SETD2: variants seen among roughly 807,000 people sequenced by gnomAD.
SETD2 encodes histone-lysine N-methyltransferase SETD2.
SETD2 carries 31 observed loss-of-function variants against 242.1 expected under a neutral mutation model. The observed-to-expected ratio is 0.13, with a 90% CI of 0.10 to 0.17. SETD2 has a LOEUF of 0.17. SETD2 is among the 10% of genes least tolerant of loss of function. The pLI, the probability that SETD2 is intolerant of heterozygous loss-of-function variation, is 1.00. For synonymous variants in SETD2, 1,006 were observed against 1,066.5 expected (o/e 0.94, Z 1.11); for missense variants, 2,481 against 3,046.3 (o/e 0.81, Z 4.37).
chr3:47,051,814 C>T (rs1425778160), intron 15 of SETD2, among the ~76,000 whole-genome samples: 3 of 151,826 alleles, frequency 2.0e-5, no homozygotes, highest in Non-Finnish European at 4.4e-5. Flanking sequence ...TAGAAAACTG[C>T]TAATATTTTG....
intron 12 of SETD2, among the ~76,000 whole-genome samples, chr3:47,074,716 T>C (rs1289299680): frequency 6.7e-6 from 1 of 149,364 alleles, no homozygotes; most frequent in East Asian, 1.9e-4. Context: ...CCCAGATATA[T>C]ACACGCCCCT....
chr3:47,154,983 G>T (rs971299975), intron 1 of SETD2, among the ~76,000 whole-genome samples: 4 of 149,938 alleles, frequency 2.7e-5, no homozygotes, highest in Non-Finnish European at 5.9e-5. Flanking sequence ...GACAGAGCAA[G>T]ACTCCATCTC....
rs768604404 is a variant in SETD2 at position 47,103,392 on chromosome 3, G to A, written c.4871C>T (p.Ser1624Phe). ...IIDATQKGNC[S>F]RFMNHSCEPN... is the part of the protein sequence containing the mutation. ...TTCACAGCTGTGATTCATGAAACGA[G>A]AGCAATTTCCTTTTTGAGTGGCATC... Residue 1624 changes from serine to phenylalanine, a missense_variant, in exon 7 of 21, where the codon TCT becomes TTT. By Grantham distance (155) the Ser-to-Phe change is radical. Transcript: ENST00000409792. The A allele has an allele frequency of 6.2e-7, 1 of 1,613,070 alleles. No individual in the cohort carries two copies.
At chr3:47,036,991 T>C (rs1281264508) in intron 18 of SETD2, among the ~76,000 whole-genome samples, 1 of 145,008 alleles carries the variant, frequency 6.9e-6, no homozygotes. Flanking sequence ...TTCTTGGCCA[T>C]ATATCTCCCT....
chr3:47,101,272 C>T (rs913524075), intron 8 of SETD2, among the ~76,000 whole-genome samples, 186 bp downstream of exon 8: 2 of 152,032 alleles, frequency 1.3e-5, no homozygotes, highest in Admixed American at 6.6e-5. Context: ...AGTTCCTGTA[C>T]AACATCCCTT....
intron 15 of SETD2, among the ~76,000 whole-genome samples, chr3:47,052,484 A>G (rs962312998): frequency 1.3e-5 from 2 of 152,062 alleles, no homozygotes; most frequent in African/African-American, 4.8e-5. Context: ...AAAAACCTGT[A>G]TCACATTTAA....
intron 9 of SETD2, among the ~76,000 whole-genome samples, chr3:47,096,335 G>T (rs1003566174): frequency 2.6e-5 from 4 of 152,148 alleles, no homozygotes; most frequent in Non-Finnish European, 4.4e-5. Context: ...TGAGCTTATT[G>T]TGAGAATTAA....
chr3:47,038,940 A>G (rs2039148464), intron 17 of SETD2, among the ~76,000 whole-genome samples: 2 of 152,154 alleles, frequency 1.3e-5, no homozygotes, highest in African/African-American at 4.8e-5. Flanking sequence ...CACCACATCA[A>G]TCTTCAGTCA....
Position 47,056,801 on chromosome 3 carries a change from A to T in SETD2, c.6963+20T>A. 1 of 1,601,186 alleles carries T rather than the reference A, an allele frequency of 6.2e-7. No individual in the cohort carries two copies. The highest frequency in any genetic ancestry group is 8.5e-7 in the Non-Finnish European group (1 of 1,169,982). Reference sequence around the variant, plus strand: ...TGAACAGACCATAAAGCAGAAAAGAAAAGTTTCAGAATTAGTTACCTGTAC... The same window carrying T: ...TGAACAGACCATAAAGCAGAAAAGATAAGTTTCAGAATTAGTTACCTGTAC... On this transcript the variant is annotated intron_variant, in intron 15 of 20. Coordinates refer to ENST00000409792, the MANE Select transcript of SETD2 (RefSeq NM_014159.7).
At chr3:47,098,341 A>C (rs1575768680) in intron 8 of SETD2, 2 of 279,320 alleles carry the variant, frequency 7.2e-6, no homozygotes, top group Middle Eastern at 2.3e-3. Context: ...TTTTATGAGA[A>C]TACCTAGTAA....
rs986685066 is a variant in SETD2, at chr3:47,017,954, G to A, written c.7432-215C>T. On this transcript the variant is annotated intron_variant, in intron 19 of 20. Transcript: ENST00000409792. This position sits in a 1 kb window ranked among gnomAD's most constrained non-coding sequence, Gnocchi z 4.8. Reference sequence around the variant, plus strand: ...GCCTGAGAGGGAAAGAGCTCCCCTGGATGGACTAAGCAAGCCTTAAAGGAG... The same window carrying A: ...GCCTGAGAGGGAAAGAGCTCCCCTGAATGGACTAAGCAAGCCTTAAAGGAG... 2.0e-5 allele frequency among the ~76,000 whole-genome samples: 3 copies of A among 152,162 alleles called. No individual in the cohort carries two copies. The highest frequency in any genetic ancestry group is 6.5e-5 in the Admixed American group (1 of 15,280).
intron 5 of SETD2, among the ~76,000 whole-genome samples, chr3:47,108,045 G>A (rs974981121): frequency 6.6e-6 from 1 of 152,078 alleles, no homozygotes; most frequent in Admixed American, 6.6e-5. Context: ...TTGGGAGGCC[G>A]AGGTGGGTAG....
At chr3:47,127,599 C>A (rs771308331) in intron 1 of SETD2, 1 of 445,670 alleles carries the variant, frequency 2.2e-6, no homozygotes, top group Admixed American at 2.4e-5. Context: ...CGGTGGCTCA[C>A]GCCTGTAATC....
intron 12 of SETD2, among the ~76,000 whole-genome samples, chr3:47,071,484 C>A (rs1396070714): frequency 6.6e-6 from 1 of 152,148 alleles, no homozygotes; most frequent in Non-Finnish European, 1.5e-5. Context: ...ATACCCTACG[C>A]TTTTATCCCT....
At chr3:47,100,237 G>A (rs932065485) in intron 8 of SETD2, among the ~76,000 whole-genome samples, 15 of 151,634 alleles carry the variant, frequency 9.9e-5, no homozygotes, top group African/African-American at 3.6e-4. Flanking sequence ...ACCGCACCCA[G>A]CCTCCCAGGC....
chr3:47,118,764 T>TTATA (rs929193946), intron 3 of SETD2, among the ~76,000 whole-genome samples: 1 of 151,624 alleles, frequency 6.6e-6, no homozygotes, highest in Non-Finnish European at 1.5e-5. Flanking sequence ...GTGCACAGTT[T>TTATA]TATATATATA....
chr3:47,071,776 G>A (rs2040830774), intron 12 of SETD2, among the ~76,000 whole-genome samples: 1 of 151,982 alleles, frequency 6.6e-6, no homozygotes, highest in South Asian at 2.1e-4. Flanking sequence ...ACTTGAACAA[G>A]TTACCTACTA....
intron 1 of SETD2, among the ~76,000 whole-genome samples, chr3:47,131,587 TGCCTCG>T (rs889321844): frequency 9.2e-5 from 14 of 152,006 alleles, no homozygotes; most frequent in Admixed American, 5.2e-4. Flanking sequence ...GTGATCCGCC[TGCCTCG>T]GCCTCCCAAA....
intron 1 of SETD2, among the ~76,000 whole-genome samples, chr3:47,129,390 T>A (rs2043425630): frequency 6.6e-6 from 1 of 152,236 alleles, no homozygotes; most frequent in Non-Finnish European, 1.5e-5. Context: ...AACACTTTGA[T>A]CTACAGAGCT....
Sources: gnomAD v4.1 joint callset for allele counts (sites outside exome capture counted in the v4.1 genomes callset) on GRCh38, gnomAD v4.1.1 for gene constraint, Gnocchi (gnomAD v3.1) non-coding constraint, MANE v1.5 for transcripts, NCBI Gene and HGNC (gene_info 2026-07-23, HGNC 2026-07-21) for gene names.